Variants in TMED8 observed in about 807,000 individuals in gnomAD.
The protein encoded by TMED8 is transmembrane p24 trafficking protein family member 8.
A neutral mutation model predicts 32.7 loss-of-function variants in TMED8; 15 were observed. The ratio of observed to expected loss-of-function variants is 0.46; its 90% confidence interval spans 0.31 to 0.71. The LOEUF (loss-of-function observed/expected upper bound fraction) is 0.71, where lower values mean the gene tolerates loss of function less well. Among genes scored for constraint, TMED8 ranks in the 30% least tolerant of loss-of-function variants. TMED8 has a pLI of 0.06. For missense variants in TMED8, 390 were observed against 423.9 expected (o/e 0.92, Z 0.70); for synonymous variants, 147 against 161.4 (o/e 0.91, Z 0.68).
At chr14:77,350,055 T>C (rs1893144616) in intron 2 of TMED8, among the ~76,000 whole-genome samples, 1 of 152,234 alleles carries the variant, frequency 6.6e-6, no homozygotes, top group Non-Finnish European at 1.5e-5. Context: ...GGAGATATTT[T>C]TTCCTCCTAT....
intron 2 of TMED8, among the ~76,000 whole-genome samples, chr14:77,350,838 T>C (rs182374957): frequency 9.1e-4 from 139 of 152,282 alleles, no homozygotes; most frequent in Non-Finnish European, 1.6e-3. Flanking sequence ...TAAAATTATG[T>C]TAAACAGGAT....
chr14:77,345,638 G>C (rs76798738), intron 3 of TMED8, among the ~76,000 whole-genome samples: 2,217 of 131,482 alleles, frequency 0.017, 51 homozygotes, highest in African/African-American at 0.059. Context: ...GAAGCCGGGT[G>C]ACAGAGTGAG....
chr14:77,341,875 T>C lies in TMED8; in HGVS notation c.874A>G (p.Ser292Gly). 6.2e-7 allele frequency: 1 copy of C among 1,612,830 alleles called. No homozygotes were observed. The highest frequency in any genetic ancestry group is 1.1e-5 in the South Asian group (1 of 91,046). The part of the protein sequence containing the change: ...RDSHRDVQAG[S>G]HDYPGEGIYL... ...ATGCCCTCACCAGGGTAGTCATGGC[T>C]GCCAGCCTGCACGTCTCGGTGGCTG... The change falls in exon 6 of 6, where the codon AGC becomes GGC. Residue 292 changes from serine (S) to glycine (G), a missense_variant. Ser to Gly is a moderately conservative substitution (Grantham distance 56). Transcript: ENST00000216468.
rs141261943 is a variant in TMED8, at chr14:77,340,516, G to T, written c.*1255C>A. ...ACTGCTGAGGTCCCATCTCACCTCC[G>T]TCTCCTCCTCCGCCTGGGGGCCCAG... On this transcript the variant is annotated 3_prime_UTR_variant, in exon 6 of 6. Transcript: ENST00000216468. 2.6e-5 allele frequency: 4 copies of T among 152,256 alleles called. No individual in the cohort carries two copies. The highest frequency in any genetic ancestry group is 9.6e-5 in the African/African-American group (4 of 41,462). 9.4% of individuals were successfully genotyped at this position (152,256 alleles called of 1,614,324 possible).
At chr14:77,364,446 T>C (rs1328946154) in intron 1 of TMED8, among the ~76,000 whole-genome samples, 1 of 152,196 alleles carries the variant, frequency 6.6e-6, no homozygotes, top group Non-Finnish European at 1.5e-5. Flanking sequence ...GGTTTCCCTA[T>C]GACGCCCAGG....
At chr14:77,368,547 G>A (rs1032395244) in intron 1 of TMED8, among the ~76,000 whole-genome samples, 7 of 152,076 alleles carry the variant, frequency 4.6e-5, no homozygotes, top group African/African-American at 7.2e-5. Flanking sequence ...GCATGGTCTC[G>A]GCTCACTGCA....
At position 77,351,685 on chromosome 14, in the gene TMED8, G is replaced by A. The variant is rs765348644; in HGVS notation, c.185C>T (p.Ser62Phe). 15 of 1,613,324 alleles carry A rather than the reference G, an allele frequency of 9.3e-6. No individual in the cohort carries two copies. Among genetic ancestry groups the A allele is most frequent in the Non-Finnish European group, 1.2e-5 (14 of 1,179,706 alleles). Residue 62 changes from serine (S) to phenylalanine (F), a missense_variant, in exon 2 of 6, where the codon TCC becomes TTC. Transcript: ENST00000216468. ...LASATDPEPC[S>F]SPHRPQMVSP... ...CCAAAGTGGTTACCTGTGGGGTGAGGAGCAGGGTTCTGGATCGGTGGCAGA... is the reference window on the plus strand; with the variant it reads ...CCAAAGTGGTTACCTGTGGGGTGAGAAGCAGGGTTCTGGATCGGTGGCAGA...
chr14:77,371,415 T>C (rs975663524), intron 1 of TMED8, among the ~76,000 whole-genome samples: 4 of 152,238 alleles, frequency 2.6e-5, no homozygotes, highest in South Asian at 2.1e-4. Context: ...CCACTTCTCA[T>C]AGCATTTTAA....
At chr14:77,356,353 T>C (rs980207550) in intron 1 of TMED8, among the ~76,000 whole-genome samples, 1 of 152,232 alleles carries the variant, frequency 6.6e-6, no homozygotes, top group African/African-American at 2.4e-5. Context: ...TCCTTGCTAT[T>C]CTTTATATAT....
Position 77,376,850 on chromosome 14 carries a change from G to C in TMED8, c.118+86C>G. ...TGGGTCCGCTCCGCGGGGAAGCCCA[G>C]GACAGAGCGCGGCGGAGGCTCGCGC... On this transcript the variant is annotated intron_variant, in intron 1 of 5. Transcript: ENST00000216468. This position sits in a 1 kb window ranked among gnomAD's most constrained non-coding sequence, Gnocchi z 4.0. 3 of 907,752 alleles carry C rather than the reference G, an allele frequency of 3.3e-6. No individual in the cohort carries two copies. The highest frequency in any genetic ancestry group is 4.5e-6 in the Non-Finnish European group (3 of 665,300). The allele number at this position is 907,752 out of a possible 1,614,324, so 56.2% of individuals were successfully genotyped here. A position where few individuals can be genotyped will look rare whatever the true frequency, so the allele number is the denominator to read the frequency against.
intron 2 of TMED8, among the ~76,000 whole-genome samples, chr14:77,349,221 A>G (rs952789422): frequency 6.7e-6 from 1 of 149,850 alleles, no homozygotes; most frequent in Non-Finnish European, 1.5e-5. Flanking sequence ...GGTTCAAGCA[A>G]TTCTCTTGCC....
chr14:77,360,261 T>C (rs1160726072), intron 1 of TMED8, among the ~76,000 whole-genome samples: 1 of 152,218 alleles, frequency 6.6e-6, no homozygotes, highest in Non-Finnish European at 1.5e-5. Flanking sequence ...ATAGTTCTCA[T>C]ATTGTACATT....
intron 1 of TMED8, among the ~76,000 whole-genome samples, chr14:77,358,012 T>C (rs1185680821): frequency 1.3e-5 from 2 of 149,690 alleles, no homozygotes; most frequent in Non-Finnish European, 3.0e-5. Context: ...TAATCCTAGG[T>C]ACTTGGGAAG....
intron 5 of TMED8, among the ~76,000 whole-genome samples, chr14:77,342,471 C>T (rs1434591251): frequency 2.6e-5 from 4 of 152,018 alleles, no homozygotes; most frequent in Non-Finnish European, 4.4e-5. Context: ...CAAGGTTCTC[C>T]GCTTTCCCAG....
chr14:77,353,605 C>T (rs751701544), intron 1 of TMED8, among the ~76,000 whole-genome samples: 2 of 151,552 alleles, frequency 1.3e-5, no homozygotes, highest in Non-Finnish European at 2.9e-5. Flanking sequence ...CACACCCCAC[C>T]ATGCCAGACT....
At chr14:77,370,682 G>C (rs1321726882) in intron 1 of TMED8, among the ~76,000 whole-genome samples, 1 of 151,802 alleles carries the variant, frequency 6.6e-6, no homozygotes, top group Non-Finnish European at 1.5e-5. Flanking sequence ...ACCTCCAAAA[G>C]CAATCAATGT....
At chr14:77,350,186 G>T (rs1030827449) in intron 2 of TMED8, among the ~76,000 whole-genome samples, 2 of 151,982 alleles carry the variant, frequency 1.3e-5, no homozygotes, top group Non-Finnish European at 2.9e-5. Flanking sequence ...CATATGGGGG[G>T]TCTATTAGAT....
At chr14:77,364,090 C>T (rs765386287) in intron 1 of TMED8, among the ~76,000 whole-genome samples, 49 of 152,328 alleles carry the variant, frequency 3.2e-4, no homozygotes, top group African/African-American at 1.0e-3. Flanking sequence ...CATCAGAGTA[C>T]ATTGTCAAAC....
chr14:77,374,719 TAAAC>T (rs1893773487), intron 1 of TMED8, among the ~76,000 whole-genome samples: 2 of 152,214 alleles, frequency 1.3e-5, no homozygotes, highest in Admixed American at 6.5e-5. Flanking sequence ...TCTAGATAAA[TAAAC>T]AAGCAAGAGA....
Sources: gnomAD v4.1 joint callset for allele counts (sites outside exome capture counted in the v4.1 genomes callset) on GRCh38, gnomAD v4.1.1 for gene constraint, Gnocchi (gnomAD v3.1) non-coding constraint, MANE v1.5 for transcripts, NCBI Gene and HGNC (gene_info 2026-07-23, HGNC 2026-07-21) for gene names.